Variants in FBXW8 observed in about 807,000 individuals in gnomAD.
FBXW8 encodes the protein F-box/WD repeat-containing protein 8.
In FBXW8, 57 loss-of-function variants were observed where a neutral mutation model predicts 65.3. That is an observed-to-expected ratio of 0.87 (90% CI 0.71 to 1.09). FBXW8 has a LOEUF of 1.09. Among genes scored for constraint, FBXW8 ranks in the 50% least tolerant of loss-of-function variants. The probability of loss-of-function intolerance (pLI) is 0.00; values close to 1 mark genes in which losing one functional copy is unlikely to be tolerated. For synonymous variants in FBXW8, 308 were observed against 330.2 expected (o/e 0.93, Z 0.73); for missense variants, 777 against 814.8 (o/e 0.95, Z 0.57).
At chr12:117,012,235 T>A (rs915886153) in intron 8 of FBXW8, among the ~76,000 whole-genome samples, 1 of 152,196 alleles carries the variant, frequency 6.6e-6, no homozygotes, top group Non-Finnish European at 1.5e-5. Flanking sequence ...TCTGGTCAGT[T>A]TGCAGTCCAA....
chr12:116,979,884 A>G (rs1262963732), intron 5 of FBXW8, among the ~76,000 whole-genome samples: 2 of 151,654 alleles, frequency 1.3e-5, no homozygotes, highest in African/African-American at 2.4e-5. Context: ...ACCTTGGCCT[A>G]CTGTGCAGGA....
chr12:116,964,780 A>T lies in FBXW8; in HGVS notation c.761A>T (p.Asp254Val). The T allele has an allele frequency of 6.2e-7, 1 of 1,613,460 alleles. No individual in the cohort carries two copies. The highest frequency in any genetic ancestry group is 1.1e-5 in the South Asian group (1 of 91,038). ...TTCCTGGAATCAGAGGACGAGGAGGATGAGCCTGGAATGCAGCCAAATGTC... is the reference window on the plus strand; with the variant it reads ...TTCCTGGAATCAGAGGACGAGGAGGTTGAGCCTGGAATGCAGCCAAATGTC... ...APFLESEDEE[D>V]EPGMQPNVSF... The change falls in exon 5 of 11, where the codon GAT (aspartate) becomes GTT (valine). Residue 254 changes from aspartate to valine, a missense_variant. By Grantham distance (152) the Asp-to-Val change is radical. Coordinates refer to ENST00000652555, the MANE Select transcript of FBXW8 (RefSeq NM_153348.3).
chr12:117,029,076 T>C lies in FBXW8; in HGVS notation c.*904T>C, dbSNP rs1440359745. 2 of 152,202 alleles carry C rather than the reference T, an allele frequency of 1.3e-5. No individual in the cohort carries two copies. The highest frequency in any genetic ancestry group is 2.9e-5 in the Non-Finnish European group (2 of 68,036). The allele number at this position is 152,202 out of a possible 1,614,324, so 9.4% of individuals were successfully genotyped here. A position where few individuals can be genotyped will look rare whatever the true frequency, so the allele number is the denominator to read the frequency against. On this transcript the variant is annotated 3_prime_UTR_variant, in exon 11 of 11. Coordinates refer to ENST00000652555, the MANE Select transcript of FBXW8 (RefSeq NM_153348.3). ...AATCAGTGAGAAAAATGTAAAGATC[T>C]GGAGGATTTACTTAGTATCGCTAAC...
chr12:116,917,515 G>A (rs1250191269), intron 1 of FBXW8, among the ~76,000 whole-genome samples: 1 of 152,198 alleles, frequency 6.6e-6, no homozygotes, highest in Non-Finnish European at 1.5e-5. Context: ...GCACCCTGTT[G>A]TATTTCTGGT....
intron 3 of FBXW8, among the ~76,000 whole-genome samples, chr12:116,948,159 G>A (rs1883052406): frequency 1.3e-5 from 2 of 152,212 alleles, no homozygotes; most frequent in African/African-American, 2.4e-5. Context: ...GAGCCAACCT[G>A]GAAATGATTT....
chr12:116,956,235 C>T (rs1193015785), intron 4 of FBXW8, among the ~76,000 whole-genome samples: 2 of 152,106 alleles, frequency 1.3e-5, no homozygotes, highest in African/African-American at 4.8e-5. Context: ...AGGAGCAGGG[C>T]TGTGTATCCA....
At chr12:116,933,474 C>T (rs1881930134) in intron 2 of FBXW8, among the ~76,000 whole-genome samples, 1 of 152,142 alleles carries the variant, frequency 6.6e-6, no homozygotes, top group South Asian at 2.1e-4. Context: ...GGCTGCATTA[C>T]AGGGTAGATT....
intron 7 of FBXW8, among the ~76,000 whole-genome samples, chr12:116,992,400 T>C (rs561230717): frequency 8.2e-6 from 1 of 121,716 alleles, no homozygotes; most frequent in Non-Finnish European, 1.6e-5. Flanking sequence ...ATTTTTGCCC[T>C]TTTTTTTTTG....
rs949287646 is a variant in FBXW8, at chr12:116,922,472, G to C, written c.319-5551G>C. Among the ~76,000 whole-genome samples, 5 of 152,206 alleles carry C rather than the reference G, an allele frequency of 3.3e-5. No homozygotes were observed. In the East Asian group the frequency reaches 9.6e-4, roughly 29 times the overall value. On this transcript the variant is annotated intron_variant, in intron 1 of 10. Coordinates refer to ENST00000652555, the MANE Select transcript of FBXW8 (RefSeq NM_153348.3). Reference sequence around the variant, plus strand: ...AGTTTCTTAAACCACCACCCAGAGAGATCTTTCATGTCCTCTTTGCCCTGG... The same window carrying C: ...AGTTTCTTAAACCACCACCCAGAGACATCTTTCATGTCCTCTTTGCCCTGG...
intron 4 of FBXW8, among the ~76,000 whole-genome samples, chr12:116,952,279 C>T (rs370220650): frequency 6.6e-6 from 1 of 152,200 alleles, no homozygotes; most frequent in Non-Finnish European, 1.5e-5. Flanking sequence ...GATGTTTGCA[C>T]AAATGATAAA....
intron 8 of FBXW8, among the ~76,000 whole-genome samples, chr12:117,021,285 A>G (rs901204971): frequency 1.3e-5 from 2 of 152,208 alleles, no homozygotes; most frequent in Middle Eastern, 6.8e-3. Flanking sequence ...GCTTTTTCTT[A>G]TCTTTTCTGT....
chr12:116,958,298 T>G (rs931579970), intron 4 of FBXW8, among the ~76,000 whole-genome samples: 30 of 152,254 alleles, frequency 2.0e-4, no homozygotes, highest in Admixed American at 1.8e-3. Flanking sequence ...TATTGATTGG[T>G]ATTCTTTGAT....
At chr12:116,956,875 G>A (rs1233703417) in intron 4 of FBXW8, among the ~76,000 whole-genome samples, 3 of 152,054 alleles carry the variant, frequency 2.0e-5, no homozygotes, top group Non-Finnish European at 4.4e-5. Context: ...GGCTGAGGCA[G>A]AAGAATCGCT....
chr12:116,970,470 C>T (rs1030065065), intron 5 of FBXW8, among the ~76,000 whole-genome samples: 1 of 152,212 alleles, frequency 6.6e-6, no homozygotes, highest in Non-Finnish European at 1.5e-5. Flanking sequence ...TATGATTTCT[C>T]ATTTACTGAC....
At chr12:117,010,983 C>T (rs79935082) in intron 8 of FBXW8, among the ~76,000 whole-genome samples, 4,100 of 152,294 alleles carry the variant, frequency 0.027, 182 homozygotes, top group African/African-American at 0.087. Flanking sequence ...CTTAGGGAGT[C>T]GGATTTTCCC....
chr12:116,935,145 A>G (rs775431511), intron 2 of FBXW8, among the ~76,000 whole-genome samples: 2 of 152,262 alleles, frequency 1.3e-5, no homozygotes, highest in Non-Finnish European at 2.9e-5. Context: ...GTGCATAAAC[A>G]AAGTAATAAA....
At chr12:116,985,640 G>GT in intron 6 of FBXW8, 1 of 449,764 alleles carries the variant, frequency 2.2e-6, no homozygotes. Flanking sequence ...GAGGTAAGAA[G>GT]TTACGATTCA....
intron 7 of FBXW8, among the ~76,000 whole-genome samples, chr12:117,001,394 A>G (rs1312133364): frequency 1.3e-5 from 2 of 152,186 alleles, no homozygotes; most frequent in Non-Finnish European, 2.9e-5. Context: ...CTTTGGGCCA[A>G]ACTAGAAGTT....
At chr12:116,982,875 A>G (rs924815783) in intron 5 of FBXW8, among the ~76,000 whole-genome samples, 1 of 152,124 alleles carries the variant, frequency 6.6e-6, no homozygotes, top group Non-Finnish European at 1.5e-5. Context: ...TTACTCATTG[A>G]GCTCATAGTT....
Sources: gnomAD v4.1 joint callset for allele counts (sites outside exome capture counted in the v4.1 genomes callset) on GRCh38, gnomAD v4.1.1 for gene constraint, MANE v1.5 for transcripts, NCBI Gene and HGNC (gene_info 2026-07-23, HGNC 2026-07-21) for gene names.